The following FLI1 variants were observed in gnomAD, a reference collection of about 807,000 sequenced individuals.
The protein encoded by FLI1 is Friend leukemia integration 1 transcription factor.
FLI1 carries 13 observed loss-of-function variants against 53.1 expected under a neutral mutation model. The ratio of observed to expected loss-of-function variants is 0.24; its 90% CI spans 0.16 to 0.39. The LOEUF is 0.39. FLI1 is among the 10% of genes least tolerant of loss of function. The probability of loss-of-function intolerance (pLI) is 1.00; values close to 1 mark genes in which losing one functional copy is unlikely to be tolerated. For synonymous variants in FLI1, 244 were observed against 236.7 expected (o/e 1.03, Z -0.28); for missense variants, 424 against 600.5 (o/e 0.71, Z 3.07).
At chr11:128,766,792 G>A (rs1207610586) in intron 2 of FLI1, among the ~76,000 whole-genome samples, 6 of 151,942 alleles carry the variant, frequency 3.9e-5, no homozygotes, top group African/African-American at 9.7e-5. Context: ...CCTTTGGAAC[G>A]TCCGGAGAGG....
chr11:128,794,396 C>T (rs1349349590), intron 5 of FLI1, among the ~76,000 whole-genome samples: 1 of 152,136 alleles, frequency 6.6e-6, no homozygotes, highest in Non-Finnish European at 1.5e-5. Flanking sequence ...CGATTGGTAG[C>T]TGGAAGGTAT....
intron 1 of FLI1, among the ~76,000 whole-genome samples, chr11:128,722,617 C>T (rs558230418): frequency 2.3e-4 from 35 of 152,316 alleles, no homozygotes; most frequent in African/African-American, 8.2e-4. Context: ...GTGCAACTAT[C>T]TTCCAAAAAT....
intron 1 of FLI1, among the ~76,000 whole-genome samples, chr11:128,742,870 T>A (rs1565477363): frequency 6.6e-6 from 1 of 152,236 alleles, no homozygotes; most frequent in East Asian, 1.9e-4. Context: ...CCATTCAGGC[T>A]GATGTTATAC....
chr11:128,757,699 A>G (rs1940946055), intron 1 of FLI1, among the ~76,000 whole-genome samples: 1 of 152,042 alleles, frequency 6.6e-6, no homozygotes, highest in Non-Finnish European at 1.5e-5. Flanking sequence ...TCTCCCCTTC[A>G]TTGCTGATGA....
rs145815293 is a variant in FLI1 at position 128,755,416 on chromosome 11, A to C, written c.19-2699A>C. On this transcript the variant is annotated intron_variant, in intron 1 of 8. Transcript: ENST00000527786. Reference sequence around the variant, plus strand: ...TGTTTTTGTAGCAGGACTGTGGTACATGTTCTTCACTCTTATCACCAAAAG... The same window carrying C: ...TGTTTTTGTAGCAGGACTGTGGTACCTGTTCTTCACTCTTATCACCAAAAG... Among the ~76,000 whole-genome samples, 513 of 152,342 alleles carry C rather than the reference A, an allele frequency of 3.4e-3. 3 individuals are homozygous for C. The highest frequency in any genetic ancestry group is 0.012 in the African/African-American group (479 of 41,582).
chr11:128,704,022 C>A (rs1329975704), intron 1 of FLI1, among the ~76,000 whole-genome samples: 1 of 151,904 alleles, frequency 6.6e-6, no homozygotes, highest in East Asian at 1.9e-4. Flanking sequence ...GAGTTCCAGC[C>A]CCAGCTCTAT....
At chr11:128,704,776 C>T (rs1460087761) in intron 1 of FLI1, among the ~76,000 whole-genome samples, 1 of 152,124 alleles carries the variant, frequency 6.6e-6, no homozygotes, top group Non-Finnish European at 1.5e-5. Context: ...TGACCCCAAG[C>T]TAAGGCCTTT....
rs116718027 is a variant in FLI1 at position 128,761,543 on chromosome 11, A to G, written c.230+3217A>G. On this transcript the variant is annotated intron_variant, in intron 2 of 8. Transcript: ENST00000527786. The stretch of plus-strand genomic sequence containing the variant: ...CAGGTCTGCTGACTCAGCCCCTTCA[A>G]TGCTGAGCCTGAGTTGATGCATGGG... 3.4e-3 allele frequency among the ~76,000 whole-genome samples: 520 copies of G among 152,304 alleles called. 2 individuals carry two copies. Among genetic ancestry groups the G allele is most frequent in the African/African-American group, 0.011 (474 of 41,578 alleles).
intron 1 of FLI1, among the ~76,000 whole-genome samples, chr11:128,696,664 T>A (rs1160253024): frequency 6.6e-6 from 1 of 152,208 alleles, no homozygotes; most frequent in Admixed American, 6.5e-5. Flanking sequence ...CTGATCGAGG[T>A]TGACGACACT....
intron 1 of FLI1, among the ~76,000 whole-genome samples, chr11:128,716,319 A>G (rs1268577241): frequency 6.6e-6 from 1 of 152,140 alleles, no homozygotes; most frequent in African/African-American, 2.4e-5. Flanking sequence ...ACAGATCCTC[A>G]GCAGCAGGAG....
intron 1 of FLI1, among the ~76,000 whole-genome samples, chr11:128,743,363 C>A (rs1345655961): frequency 1.3e-5 from 2 of 150,960 alleles, no homozygotes; most frequent in Admixed American, 6.6e-5. Flanking sequence ...CGTGATCATG[C>A]CACTGCACTT....
intron 3 of FLI1, 116 bp downstream of exon 3, chr11:128,768,388 A>G (rs1276434664): frequency 7.6e-7 from 1 of 1,314,808 alleles, no homozygotes; most frequent in Admixed American, 1.8e-5. Context: ...AAAATGGAGA[A>G]AGCTGCACGC....
At chr11:128,689,737 T>C (rs1937662261), upstream of FLI1, among the ~76,000 whole-genome samples, 1 of 152,232 alleles carries the variant, frequency 6.6e-6, no homozygotes, top group Non-Finnish European at 1.5e-5. Flanking sequence ...TCTGGACACC[T>C]GGCTGGTCTC....
At position 128,723,342 on chromosome 11, in the gene FLI1, G is replaced by C. The variant is rs1260275106; in HGVS notation, c.18+29066G>C. On this transcript the variant is annotated intron_variant, in intron 1 of 8. Transcript: ENST00000527786. ...GACTCATGTAGGAGGGCTTCATGGA[G>C]GAGGTACATTGTGGTGCAGGAAGGC... Among the ~76,000 whole-genome samples, 17 of 152,152 alleles carry C rather than the reference G, an allele frequency of 1.1e-4. 1 individual carries two copies. The highest frequency in any genetic ancestry group is 1.0e-3 in the Admixed American group (16 of 15,280).
intron 5 of FLI1, among the ~76,000 whole-genome samples, chr11:128,784,268 C>CTGCTGCTGCTG (rs1555122624): frequency 8.4e-5 from 11 of 130,228 alleles, no homozygotes; most frequent in Non-Finnish European, 1.6e-4. Context: ...TCCTCCTCCT[C>CTGCTGCTGCTG]CTGCTGTCTT....
intron 1 of FLI1, among the ~76,000 whole-genome samples, chr11:128,696,852 T>C (rs1025351342): frequency 4.6e-5 from 7 of 152,232 alleles, no homozygotes; most frequent in Admixed American, 3.9e-4. Flanking sequence ...ACTTAGGTGG[T>C]ATTTGGTGCA....
intron 6 of FLI1, 70 bp from the exon 7 acceptor site, chr11:128,807,110 C>G (rs759979588): frequency 4.7e-5 from 41 of 876,002 alleles, no homozygotes; most frequent in Non-Finnish European, 6.2e-5. Flanking sequence ...GAAAGCACAT[C>G]TGTCAAGACG....
chr11:128,718,546 C>T lies in FLI1; in HGVS notation c.18+24270C>T, dbSNP rs935106543. ...ACCAATGGAGAAACCAGGACTGGGGCGGGAAGGAGTAGGTGGTAAGATTCT... is the reference window on the plus strand; with the variant it reads ...ACCAATGGAGAAACCAGGACTGGGGTGGGAAGGAGTAGGTGGTAAGATTCT... On this transcript the variant is annotated intron_variant, in intron 1 of 8. Coordinates refer to ENST00000527786, the MANE Select transcript of FLI1 (RefSeq NM_002017.5). Among the ~76,000 whole-genome samples the T allele has an allele frequency of 3.3e-5, 5 of 152,252 alleles. No individual in the cohort carries two copies. The East Asian group carries it at 5.8e-4, about 18-fold the overall frequency.
chr11:128,752,731 T>C (rs868287820), intron 1 of FLI1, among the ~76,000 whole-genome samples: 6 of 152,252 alleles, frequency 3.9e-5, no homozygotes, highest in African/African-American at 1.4e-4. Flanking sequence ...CCTCATAGAA[T>C]TGCCAGGAGG....
Sources: allele counts gnomAD v4.1 joint callset (sites outside exome capture counted in the v4.1 genomes callset), GRCh38; gene constraint gnomAD v4.1.1; transcripts MANE v1.5; gene names NCBI Gene and HGNC (gene_info 2026-07-23, HGNC 2026-07-21).